The following EFHB variants were observed in gnomAD, a reference collection of about 807,000 sequenced individuals.
EFHB encodes the protein EF-hand domain-containing family member B.
A neutral mutation model predicts 87.2 loss-of-function variants in EFHB; 91 were observed. That is an observed-to-expected ratio of 1.04 (90% CI 0.88 to 1.24). The LOEUF is 1.24. Ranked by LOEUF, EFHB falls within the 50% of genes most tolerant of loss-of-function variation. The pLI is 0.00. For synonymous variants in EFHB, 325 were observed against 333.6 expected (o/e 0.97, Z 0.28); for missense variants, 1,084 against 998.8 (o/e 1.09, Z -1.15).
chr3:19,938,729 C>G (rs1335467195), upstream of EFHB, among the ~76,000 whole-genome samples: 3 of 152,146 alleles, frequency 2.0e-5, no homozygotes, highest in Non-Finnish European at 4.4e-5. Context: ...TCTCTCCTCA[C>G]CCCAAGGATC....
chr3:19,933,380 G>A lies in EFHB; in HGVS notation c.639C>T (p.Gly213=). 1 of 1,613,984 alleles carries A rather than the reference G, an allele frequency of 6.2e-7. No individual in the cohort carries two copies. Among genetic ancestry groups the A allele is most frequent in the Non-Finnish European group, 8.5e-7 (1 of 1,179,896 alleles). The change falls in exon 1 of 13, where the codon GGC becomes GGT. Residue 213 remains glycine, a synonymous_variant. Coordinates refer to ENST00000295824, the MANE Select transcript of EFHB (RefSeq NM_144715.4). ...DETKNTEPQM[G]LVIEPPQCQF... is the part of the protein sequence containing the mutation. The stretch of plus-strand genomic sequence containing the variant: ...GGCATTGGGGAGGTTCTATCACCAA[G>A]CCCATTTGGGGCTCTGTATTCTTAG...
At position 19,918,342 on chromosome 3, in the gene EFHB, A is replaced by G. The variant is rs772356609; in HGVS notation, c.1067T>C (p.Ile356Thr). The change falls in exon 4 of 13, where the codon ATA becomes ACA. Residue 356 changes from isoleucine (I) to threonine (T), a missense_variant. Physicochemically the swap from Ile to Thr is moderately conservative, Grantham distance 89. Transcript: ENST00000295824. ...QQKIKDKKES[I>T]YLSNRRAPLG... is the part of the protein sequence containing the mutation. ...TGGTGCTCGTCGATTGCTAAGATAT[A>G]TAGATTCTTTTTTATCTTTAATTTT... 2 of 1,612,318 alleles carry G rather than the reference A, an allele frequency of 1.2e-6. No individual in the cohort carries two copies. Among genetic ancestry groups the G allele is most frequent in the Non-Finnish European group, 1.7e-6 (2 of 1,179,360 alleles).
At chr3:19,916,446 C>A (rs1416959313) in intron 4 of EFHB, among the ~76,000 whole-genome samples, 82 of 151,806 alleles carry the variant, frequency 5.4e-4, no homozygotes, top group Non-Finnish European at 1.0e-3. Context: ...ACCTGGGAGG[C>A]AGAGGTTGCA....
intron 8 of EFHB, among the ~76,000 whole-genome samples, chr3:19,897,066 A>C (rs1200815582): frequency 6.6e-6 from 1 of 152,196 alleles, no homozygotes; most frequent in African/African-American, 2.4e-5. Flanking sequence ...CTCAAGAAGA[A>C]AATCTAAAAG....
chr3:19,896,050 C>T (rs1345628648), intron 9 of EFHB, among the ~76,000 whole-genome samples: 1 of 152,172 alleles, frequency 6.6e-6, no homozygotes, highest in Non-Finnish European at 1.5e-5. Flanking sequence ...ACACCCTGCT[C>T]CCCAGGGAAA....
intron 1 of EFHB, among the ~76,000 whole-genome samples, chr3:19,925,381 A>G (rs777462194): frequency 6.6e-6 from 1 of 152,160 alleles, no homozygotes; most frequent in Non-Finnish European, 1.5e-5. Context: ...ATATATAGAT[A>G]TATCATAAAT....
At chr3:19,935,774 G>A (rs918024299), upstream of EFHB, among the ~76,000 whole-genome samples, 17 of 151,894 alleles carry the variant, frequency 1.1e-4, no homozygotes, top group South Asian at 4.1e-4. Context: ...CACTTTGGGA[G>A]GTAGAGGCGG....
intron 1 of EFHB, among the ~76,000 whole-genome samples, chr3:19,939,850 A>C (rs1010788470): frequency 3.9e-5 from 6 of 152,228 alleles, no homozygotes; most frequent in Admixed American, 2.6e-4. Flanking sequence ...AAAGGCTTTG[A>C]TAAACCACTG....
Position 19,893,877 on chromosome 3 carries a change from G to C in EFHB, c.1725+2810C>G, listed in dbSNP as rs141586819. ...AAAACAAGGACTATACACAATTATT[G>C]AACCTAACTGAGAATCCTATAGCCT... On this transcript the variant is annotated intron_variant, in intron 9 of 12. Transcript: ENST00000295824. 1.6e-4 allele frequency among the ~76,000 whole-genome samples: 24 copies of C among 152,256 alleles called. No individual in the cohort carries two copies. The East Asian group carries it at 4.6e-3, about 29-fold the overall frequency.
In EFHB at chr3:19,879,534, A is replaced by T; in HGVS notation, c.*97T>A. 1 of 1,338,876 alleles carries T rather than the reference A, an allele frequency of 7.5e-7. No homozygotes were observed. The highest frequency in any genetic ancestry group is 2.4e-5 in the East Asian group (1 of 41,378). The allele number at this position is 1,338,876 out of a possible 1,614,324, so 82.9% of individuals were successfully genotyped here. The stretch of plus-strand genomic sequence containing the variant: ...CAGGCATATGAGTCTTACCACTGTG[A>T]ACTCTAACATAATATCTAAAACCAG... On this transcript the variant is annotated 3_prime_UTR_variant, in exon 13 of 13. Transcript: ENST00000295824.
chr3:19,938,497 A>G (rs1696073813), upstream of EFHB, among the ~76,000 whole-genome samples: 1 of 152,202 alleles, frequency 6.6e-6, no homozygotes, highest in Non-Finnish European at 1.5e-5. Context: ...TAAAATGCTA[A>G]TTGTAGAATC....
chr3:19,916,773 C>T (rs886225863), intron 4 of EFHB, among the ~76,000 whole-genome samples: 16 of 152,240 alleles, frequency 1.1e-4, no homozygotes, highest in African/African-American at 2.9e-4. Context: ...TCTTCCCTTT[C>T]GACCTAACAA....
upstream of EFHB, among the ~76,000 whole-genome samples, chr3:19,934,440 C>CCTCT (rs146405018): frequency 4.9e-5 from 7 of 142,252 alleles, no homozygotes; most frequent in Non-Finnish European, 7.6e-5. Flanking sequence ...TTGCCCTCTC[C>CCTCT]CTCTCTCTCC....
At chr3:19,883,833 A>C (rs780955833) in intron 11 of EFHB, among the ~76,000 whole-genome samples, 4 of 152,184 alleles carry the variant, frequency 2.6e-5, no homozygotes, top group Non-Finnish European at 4.4e-5. Flanking sequence ...ACTGCCAGCA[A>C]ATCATCAGAA....
intron 5 of EFHB, among the ~76,000 whole-genome samples, chr3:19,912,723 G>A (rs1303571714): frequency 6.6e-6 from 1 of 152,164 alleles, no homozygotes; most frequent in East Asian, 1.9e-4. Flanking sequence ...AAGTTAAGGG[G>A]AGAAAGTTAA....
chr3:19,917,783 C>T (rs1014870370), intron 4 of EFHB, among the ~76,000 whole-genome samples: 1 of 152,174 alleles, frequency 6.6e-6, no homozygotes, highest in Non-Finnish European at 1.5e-5. Context: ...GCAGGTAGAC[C>T]TCACGGATCT....
chr3:19,913,206 C>A (rs543153164), intron 5 of EFHB, among the ~76,000 whole-genome samples: 4 of 152,196 alleles, frequency 2.6e-5, no homozygotes, highest in African/African-American at 7.2e-5. Context: ...CTAGAGCAAC[C>A]AGACAAGAGA....
intron 1 of EFHB, among the ~76,000 whole-genome samples, chr3:19,921,668 T>C (rs990494462): frequency 6.6e-6 from 1 of 152,092 alleles, no homozygotes; most frequent in African/African-American, 2.4e-5. Context: ...CCCACACAAT[T>C]ACATTGTGTG....
At chr3:19,901,350 C>T (rs896943253) in intron 6 of EFHB, among the ~76,000 whole-genome samples, 1 of 152,194 alleles carries the variant, frequency 6.6e-6, no homozygotes, top group African/African-American at 2.4e-5. Flanking sequence ...TACAACACTA[C>T]TATTTAATAA....
Sources: allele counts gnomAD v4.1 joint callset (sites outside exome capture counted in the v4.1 genomes callset), GRCh38; gene constraint gnomAD v4.1.1; transcripts MANE v1.5; gene names NCBI Gene and HGNC (gene_info 2026-07-23, HGNC 2026-07-21).